Variants in BATF2 observed in about 807,000 individuals in gnomAD.
BATF2 encodes basic leucine zipper ATF-like transcription factor 2, also known as basic leucine zipper transcriptional factor ATF-like 2.
Under a neutral mutation model 7.3 loss-of-function variants are expected in BATF2, and 4 were observed. That is an observed-to-expected ratio of 0.55 (90% CI 0.27 to 1.26). The LOEUF is 1.26. Ranked by LOEUF, BATF2 falls within the 50% of genes most tolerant of loss-of-function variation. BATF2 has a pLI of 0.11. For missense variants in BATF2, 295 were observed against 340.5 expected, an observed-to-expected ratio of 0.87 and a Z score of 1.05; for synonymous variants, 152 against 153.9, an observed-to-expected ratio of 0.99 and a Z score of 0.09.
At chr11:64,996,232 A>G (rs1427780079) in intron 1 of BATF2, among the ~76,000 whole-genome samples, 1 of 149,856 alleles carries the variant, frequency 6.7e-6, no homozygotes, top group African/African-American at 2.5e-5. Flanking sequence ...AAGTGCTGGG[A>G]TTACAGGTGT....
At chr11:64,990,117 C>A (rs1359870867) in intron 2 of BATF2, 1 of 1,535,776 alleles carries the variant, frequency 6.5e-7, no homozygotes, top group South Asian at 1.2e-5. Flanking sequence ...CCCCAAACCA[C>A]CTATTCTCTT....
intron 1 of BATF2, among the ~76,000 whole-genome samples, chr11:64,994,786 C>A (rs1946099578): frequency 6.6e-6 from 1 of 152,208 alleles, no homozygotes; most frequent in African/African-American, 2.4e-5. Context: ...GGAGGGCAAG[C>A]AGGGAAGATG....
chr11:64,989,431 G>A lies in BATF2; in HGVS notation c.523C>T (p.Leu175Phe), dbSNP rs771683673. 6.8e-6 allele frequency: 11 copies of A among 1,605,898 alleles called. No individual in the cohort carries two copies. In the East Asian group the frequency reaches 2.0e-4, roughly 29 times the overall value. The stretch of plus-strand genomic sequence containing the variant: ...GAACCAGTGTGCGAGGCAAACAGGA[G>A]AGGGCTGGGGGACAGCTGGACAGGA... The part of the protein sequence containing the change: ...EPPVQLSPSP[L>F]LFASHTGSSL... Residue 175 changes from leucine to phenylalanine, a missense_variant, in exon 3 of 3, where the codon CTC becomes TTC. By Grantham distance (22) the Leu-to-Phe change is conservative (BLOSUM62 0). Coordinates refer to ENST00000301887, the MANE Select transcript of BATF2 (RefSeq NM_138456.4). This position sits in a 1 kb window ranked among gnomAD's most constrained non-coding sequence, Gnocchi z 4.3.
At chr11:64,995,984 CAG>C (rs1461832189) in intron 1 of BATF2, among the ~76,000 whole-genome samples, 1 of 151,108 alleles carries the variant, frequency 6.6e-6, no homozygotes, top group Non-Finnish European at 1.5e-5. Context: ...TTTATTGAGA[CAG>C]AGTCTCTGTC....
chr11:64,990,192 C>T lies in BATF2; in HGVS notation c.142-380G>A, dbSNP rs4084085. The T allele has an allele frequency of 1.3e-3, 2,032 of 1,535,724 alleles. 25 individuals carry two copies. The African/African-American group carries it at 0.022, about 17-fold the overall frequency. ...GGTTAAAGCCCTTTAGAGGCACCCACCAAATTCCCTGTGGTAGAATTCCAG... is the reference window on the plus strand; with the variant it reads ...GGTTAAAGCCCTTTAGAGGCACCCATCAAATTCCCTGTGGTAGAATTCCAG... On this transcript the variant is annotated intron_variant, in intron 2 of 2. Coordinates refer to ENST00000301887, the MANE Select transcript of BATF2 (RefSeq NM_138456.4).
In BATF2 at chr11:64,989,297, C is replaced by T; in HGVS notation, c.657G>A (p.Leu219=). The T allele has an allele frequency of 6.3e-7, 1 of 1,588,650 alleles. No individual in the cohort carries two copies. Among genetic ancestry groups the T allele is most frequent in the Non-Finnish European group, 8.6e-7 (1 of 1,166,708 alleles). Residue 219 remains leucine, a synonymous_variant, in exon 3 of 3, where the codon CTG becomes CTA. Coordinates refer to ENST00000301887, the MANE Select transcript of BATF2 (RefSeq NM_138456.4). The surrounding 1 kb of genome is among the most constrained non-coding windows in gnomAD (Gnocchi z 4.3). ...LELEHPTRGK[L]GSSPDNPSSA... The stretch of plus-strand genomic sequence containing the variant: ...AGGAAGGGTTGTCGGGAGAGGACCC[C>T]AGCTTCCCTCTGGTGGGATGCTCCA...
At chr11:64,991,989 G>A (rs1007535567) in intron 2 of BATF2, among the ~76,000 whole-genome samples, 2 of 152,110 alleles carry the variant, frequency 1.3e-5, no homozygotes, top group Non-Finnish European at 2.9e-5. Flanking sequence ...CTGGGAAAAC[G>A]CCCATTTGTC....
At chr11:64,990,363 C>G in intron 2 of BATF2, 1 of 1,444,418 alleles carries the variant, frequency 6.9e-7, no homozygotes, top group Non-Finnish European at 9.1e-7. Context: ...CGCCGCCCTT[C>G]TCTGTGCAAA....
Position 64,989,222 on chromosome 11 carries a change from G to C in BATF2, c.732C>G (p.Leu244=). ...RLQSREHKPA[L]SAATWQGLVV... is the part of the protein sequence containing the mutation. ...CCAGCCCTTGCCAAGTGGCTGCTGA[G>C]AGAGCAGGTTTGTGCTCCCTGCTCT... The change falls in exon 3 of 3, where the codon CTC becomes CTG. Residue 244 remains leucine (L), a synonymous_variant. Coordinates refer to ENST00000301887, the MANE Select transcript of BATF2 (RefSeq NM_138456.4). This position sits in a 1 kb window ranked among gnomAD's most constrained non-coding sequence, Gnocchi z 4.3. 2 of 1,614,102 alleles carry C rather than the reference G, an allele frequency of 1.2e-6. No homozygotes were observed. Among genetic ancestry groups the C allele is most frequent in the Non-Finnish European group, 1.7e-6 (2 of 1,180,000 alleles).
chr11:64,989,904 G>A lies in BATF2; in HGVS notation c.142-92C>T. ...GCCCCTTCCAGGGTCCTCAACTTCA[G>A]GAGAAAGATGCCACCACCATTGGAA... On this transcript the variant is annotated intron_variant, in intron 2 of 2. Coordinates refer to ENST00000301887, the MANE Select transcript of BATF2 (RefSeq NM_138456.4). The surrounding 1 kb of genome is among the most constrained non-coding windows in gnomAD (Gnocchi z 4.3). 1 of 1,479,976 alleles carries A rather than the reference G, an allele frequency of 6.8e-7. No individual in the cohort carries two copies. The highest frequency in any genetic ancestry group is 9.2e-7 in the Non-Finnish European group (1 of 1,082,680). The allele number at this position is 1,479,976 out of a possible 1,614,324, so 91.7% of individuals were successfully genotyped here.
At position 64,990,948 on chromosome 11, in the gene BATF2, G is replaced by A. The variant is rs1382714202; in HGVS notation, c.142-1136C>T. On this transcript the variant is annotated intron_variant, in intron 2 of 2. Transcript: ENST00000301887. ...TGGGACCACAGGCGCCCGCCACCAC[G>A]CCTGGCTAATATTTTGTATTTTTAG... Among the ~76,000 whole-genome samples, 7 of 151,508 alleles carry A rather than the reference G, an allele frequency of 4.6e-5. No individual in the cohort carries two copies. In the South Asian group the frequency reaches 1.0e-3, roughly 23 times the overall value.
Position 64,989,715 on chromosome 11 carries a change from T to C in BATF2, c.239A>G (p.His80Arg), listed in dbSNP as rs1015551092. The change falls in exon 3 of 3, where the codon CAT (histidine) becomes CGT (arginine). Residue 80 changes from histidine to arginine, a missense_variant. His to Arg is a conservative substitution (Grantham distance 29). Coordinates refer to ENST00000301887, the MANE Select transcript of BATF2 (RefSeq NM_138456.4). The surrounding 1 kb of genome is among the most constrained non-coding windows in gnomAD (Gnocchi z 4.3). ...LAWWSRTLHV[H>R]ERLCPMDCAS... ...ACAATCCATGGGGCACAGGCGCTCA[T>C]GCACGTGCAGGGTCCGGCTCCACCA... 4 of 1,613,962 alleles carry C rather than the reference T, an allele frequency of 2.5e-6. No individual in the cohort carries two copies. The highest frequency in any genetic ancestry group is 3.4e-6 in the Non-Finnish European group (4 of 1,179,976).
intron 2 of BATF2, chr11:64,990,310 C>A: frequency 6.8e-7 from 1 of 1,477,778 alleles, no homozygotes; most frequent in Non-Finnish European, 9.0e-7. Flanking sequence ...ATGAACTCTG[C>A]TTCCCGGCCA....
intron 1 of BATF2, 94 bp from the exon 2 acceptor site, chr11:64,994,643 G>T: frequency 8.1e-7 from 1 of 1,233,456 alleles, no homozygotes; most frequent in Non-Finnish European, 1.2e-6. Context: ...CTTTCCCCTT[G>T]AGTCAAGTTC....
chr11:64,990,316 G>C (rs1029607213), intron 2 of BATF2: 1 of 1,473,678 alleles, frequency 6.8e-7, no homozygotes, highest in Admixed American at 2.2e-5. Flanking sequence ...TCTGCTTCCC[G>C]GCCACATTTC....
At chr11:64,993,592 T>TTCAGATGAGCATGAAGCTCAGTAA (rs1472440109) in intron 2 of BATF2, among the ~76,000 whole-genome samples, 1 of 152,152 alleles carries the variant, frequency 6.6e-6, no homozygotes, top group Admixed American at 6.5e-5. Flanking sequence ...TTATGGTATT[T>TTCAGATGAGCATGAAGCTCAGTAA]TCAGATGAGC....
In BATF2 at chr11:64,987,951, T is replaced by G. The variant is rs1946035749; in HGVS notation, c.*1178A>C. On this transcript the variant is annotated 3_prime_UTR_variant, in exon 3 of 3. Transcript: ENST00000301887. ...AGTAACTAGGCAAAGCAGAAAAGAT[T>G]GCAAAACACTTTATTTCCATCACAT... The G allele has an allele frequency of 6.6e-6, 1 of 152,200 alleles. No individual in the cohort carries two copies. Among genetic ancestry groups the G allele is most frequent in the African/African-American group, 2.4e-5 (1 of 41,454 alleles). The allele number at this position is 152,200 out of a possible 1,614,324, so 9.4% of individuals were successfully genotyped here.
At position 64,988,211 on chromosome 11, in the gene BATF2, G is replaced by A. The variant is rs1029731916; in HGVS notation, c.*918C>T. 2 of 152,318 alleles carry A rather than the reference G, an allele frequency of 1.3e-5. No individual in the cohort carries two copies. The highest frequency in any genetic ancestry group is 2.9e-5 in the Non-Finnish European group (2 of 68,120). The allele number at this position is 152,318 out of a possible 1,614,324, so 9.4% of individuals were successfully genotyped here. On this transcript the variant is annotated 3_prime_UTR_variant, in exon 3 of 3. Transcript: ENST00000301887. ...CTGTCAGCCTAGTCCAAAGAGCAAT[G>A]AGGGAACTGCTTAGGAGGGGTCTGA...
intron 1 of BATF2, among the ~76,000 whole-genome samples, chr11:64,995,907 A>G (rs1946106247): frequency 6.6e-6 from 1 of 152,180 alleles, no homozygotes; most frequent in South Asian, 2.1e-4. Flanking sequence ...AGATAAGCAG[A>G]GCCTCCAAGG....
Sources: allele counts gnomAD v4.1 joint callset (sites outside exome capture counted in the v4.1 genomes callset), GRCh38; gene constraint gnomAD v4.1.1; non-coding constraint Gnocchi (gnomAD v3.1); transcripts MANE v1.5; gene names NCBI Gene and HGNC (gene_info 2026-07-23, HGNC 2026-07-21).